The following HINT1 variants were observed in gnomAD, a reference collection of about 807,000 sequenced individuals.
HINT1 encodes the protein histidine triad nucleotide binding protein 1.
A neutral mutation model predicts 11.2 loss-of-function variants in HINT1; 12 were observed. The ratio of observed to expected loss-of-function variants is 1.07; its 90% CI spans 0.69 to 1.74. The LOEUF is 1.74. HINT1 is among the 40% of genes most tolerant of loss of function. HINT1 has a pLI of 0.00. For synonymous variants in HINT1, 42 were observed against 52.6 expected, an observed-to-expected ratio of 0.80 and a Z score of 0.87; for missense variants, 150 against 161.8, an observed-to-expected ratio of 0.93 and a Z score of 0.40.
Position 131,159,905 on chromosome 5 carries a change from G to A in HINT1, c.217-294C>T, listed in dbSNP as rs531733145. On this transcript the variant is annotated intron_variant, in intron 2 of 2. Transcript: ENST00000304043. ...CTTGCTCTGTCACTCAGACTGGAGTGCAGTGGCACGATCTCAGCTCACTGC... is the reference window on the plus strand; with the variant it reads ...CTTGCTCTGTCACTCAGACTGGAGTACAGTGGCACGATCTCAGCTCACTGC... Among the ~76,000 whole-genome samples, 19 of 152,102 alleles carry A rather than the reference G, an allele frequency of 1.2e-4. No homozygotes were observed. The South Asian group carries it at 4.0e-3, about 32-fold the overall frequency.
intron 1 of HINT1, 121 bp downstream of exon 1, chr5:131,164,973 GC>G (rs1345056677): frequency 7.1e-7 from 1 of 1,408,170 alleles, no homozygotes; most frequent in East Asian, 2.5e-5. Flanking sequence ...CTGGACCAGG[GC>G]AGCCAGGTCC....
chr5:131,159,708 C>T lies in HINT1; in HGVS notation c.217-97G>A, dbSNP rs980879065. The stretch of plus-strand genomic sequence containing the variant: ...AGCTGAAATATCAAATCTTAAAACT[C>T]TCATTGAAACACAACCCTTTGAGCA... On this transcript the variant is annotated intron_variant, in intron 2 of 2. Transcript: ENST00000304043. The T allele has an allele frequency of 1.4e-5, 16 of 1,129,684 alleles. No individual in the cohort carries two copies. The Middle Eastern group carries it at 6.6e-4, about 47-fold the overall frequency. 70.0% of individuals were successfully genotyped at this position (1,129,684 alleles called of 1,614,324 possible).
chr5:131,160,750 C>T (rs1561536436), intron 2 of HINT1: 11 of 842,334 alleles, frequency 1.3e-5, no homozygotes, highest in Non-Finnish European at 1.9e-5. Flanking sequence ...AATGGTGTGG[C>T]GATATGCATT....
chr5:131,159,463 TG>T lies in HINT1; in HGVS notation c.364del (p.His122IlefsTer20). ...AAAACGTGCTTAACCAGGAGGCCAA[TG>T]CATTTGCCGACCTCCAAGAACATGG... ...HLHVLGGRQMHWPPG is the reference protein window; with the variant it reads ...HLHVLGGRQMXWPPG On this transcript the variant is annotated frameshift_variant, in exon 3 of 3. Coordinates refer to ENST00000304043, the MANE Select transcript of HINT1 (RefSeq NM_005340.7). LOFTEE classifies it high-confidence loss of function. 6.2e-7 allele frequency: 1 copy of T among 1,612,158 alleles called. No homozygotes were observed. Among genetic ancestry groups the T allele is most frequent in the Non-Finnish European group, 8.5e-7 (1 of 1,179,828 alleles).
rs10079664 is a variant in HINT1 at position 131,162,179 on chromosome 5, C to A, written c.216+393G>T. On this transcript the variant is annotated intron_variant, in intron 2 of 2. Transcript: ENST00000304043. ...CTCTACTAAAAATACAAAAAATTAG[C>A]CAGCCTTGGTGGCGGGCGCCTGTTG... 2.7e-3 allele frequency: 1,393 copies of A among 510,922 alleles called. 9 individuals are homozygous for A. Among genetic ancestry groups the A allele is most frequent in the African/African-American group, 0.019 (1,009 of 51,748 alleles). The allele number at this position is 510,922 out of a possible 1,614,324, so 31.6% of individuals were successfully genotyped here. A position where few individuals can be genotyped will look rare whatever the true frequency, so the allele number is the denominator to read the frequency against.
chr5:131,160,889 A>C (rs1471815947), intron 2 of HINT1: 1 of 454,618 alleles, frequency 2.2e-6, no homozygotes, highest in Non-Finnish European at 4.4e-6. Flanking sequence ...GCCCAACTGT[A>C]GGTTAACGTT....
At chr5:131,162,475 G>C in intron 2 of HINT1, 97 bp downstream of exon 2, 1 of 1,568,374 alleles carries the variant, frequency 6.4e-7, no homozygotes, top group Non-Finnish European at 8.6e-7. Context: ...CCTTAGTAAT[G>C]ACCTTAGGAA....
At chr5:131,161,827 G>A (rs967451451) in intron 2 of HINT1, among the ~76,000 whole-genome samples, 29 of 152,098 alleles carry the variant, frequency 1.9e-4, no homozygotes, top group African/African-American at 5.8e-4. Context: ...GGTTTGACCC[G>A]TGCAGGTCTA....
At chr5:131,162,542 G>A (rs1329669186) in intron 2 of HINT1, 30 bp downstream of exon 2, 1 of 1,606,136 alleles carries the variant, frequency 6.2e-7, no homozygotes, top group Non-Finnish European at 8.5e-7. Context: ...TAAAAAGCAA[G>A]AAAATAAATC....
chr5:131,162,308 G>C (rs772636280), intron 2 of HINT1: 1 of 686,324 alleles, frequency 1.5e-6, no homozygotes, highest in Non-Finnish European at 2.5e-6. Flanking sequence ...GACAGAGCAA[G>C]ACTCTGTCTC....
chr5:131,164,044 A>C (rs546500714), intron 1 of HINT1, among the ~76,000 whole-genome samples: 1 of 152,192 alleles, frequency 6.6e-6, no homozygotes. Flanking sequence ...GAGTAGAGAC[A>C]AAGTATTTTT....
Position 131,162,622 on chromosome 5 carries a change from G to A in HINT1, c.166C>T (p.Pro56Ser). Residue 56 changes from proline (P) to serine (S), a missense_variant, in exon 2 of 3, where the codon CCC (proline) becomes TCC (serine). By Grantham distance (74) the Pro-to-Ser change is moderately conservative. Transcript: ENST00000304043. ...PQAPTHFLVI[P>S]KKHISQISVA... ...GAAATCTGGGATATATGTTTCTTGG[G>A]TATCACCAGAAAATGTGTTGGTGCT... 3 of 1,613,508 alleles carry A rather than the reference G, an allele frequency of 1.9e-6. No individual in the cohort carries two copies. Among genetic ancestry groups the A allele is most frequent in the Non-Finnish European group, 2.5e-6 (3 of 1,179,534 alleles).
In HINT1 at chr5:131,159,354, T is replaced by C. The variant is rs181192093; in HGVS notation, c.*93A>G. 2 of 1,135,248 alleles carry C rather than the reference T, an allele frequency of 1.8e-6. No individual in the cohort carries two copies. Among genetic ancestry groups the C allele is most frequent in the Non-Finnish European group, 2.5e-6 (2 of 787,122 alleles). 70.3% of individuals were successfully genotyped at this position (1,135,248 alleles called of 1,614,324 possible). ...TAAAATTATTTCTTGAATCTCTCCA[T>C]ACACAGGCAAAAATAAGTGTGTTAC... On this transcript the variant is annotated 3_prime_UTR_variant, in exon 3 of 3. Coordinates refer to ENST00000304043, the MANE Select transcript of HINT1 (RefSeq NM_005340.7).
rs1276483309 is a variant in HINT1 at position 131,159,499 on chromosome 5, T to G, written c.329A>C (p.His110Pro). Residue 110 changes from histidine to proline, a missense_variant, in exon 3 of 3, where the codon CAC (histidine) becomes CCC (proline). By Grantham distance (77) the His-to-Pro change is moderately conservative. Coordinates refer to ENST00000304043, the MANE Select transcript of HINT1 (RefSeq NM_005340.7). Reference protein sequence around the residue: ...EGSDGGQSVYHVHLHVLGGRQ... With the variant: ...EGSDGGQSVYPVHLHVLGGRQ... ...ACCTCCAAGAACATGGAGATGAACG[T>G]GATAGACAGACTGTCCACCATCTGA... 1 of 1,613,166 alleles carries G rather than the reference T, an allele frequency of 6.2e-7. No homozygotes were observed. The highest frequency in any genetic ancestry group is 1.1e-5 in the South Asian group (1 of 90,984).
rs566118854 is a variant in HINT1 at position 131,165,040 on chromosome 5, G to A, written c.111+55C>T. On this transcript the variant is annotated intron_variant, in intron 1 of 2. Coordinates refer to ENST00000304043, the MANE Select transcript of HINT1 (RefSeq NM_005340.7). Reference sequence around the variant, plus strand: ...CCTCTCCCTCCGCGAGAAACCCGAGGATCCGCGGACGATACCCACCTCAGC... The same window carrying A: ...CCTCTCCCTCCGCGAGAAACCCGAGAATCCGCGGACGATACCCACCTCAGC... The A allele has an allele frequency of 8.9e-4, 1,435 of 1,609,848 alleles. 5 individuals are homozygous for A. Among genetic ancestry groups the A allele is most frequent in the Non-Finnish European group, 1.2e-3 (1,357 of 1,178,076 alleles).
At chr5:131,163,666 T>C (rs1426318797) in intron 1 of HINT1, among the ~76,000 whole-genome samples, 4 of 152,220 alleles carry the variant, frequency 2.6e-5, no homozygotes, top group Non-Finnish European at 5.9e-5. Flanking sequence ...ATTCTCACTT[T>C]ACTCAACTAT....
Position 131,162,575 on chromosome 5 carries a change from TTCA to T in HINT1, c.210_212del (p.Asp70del), listed in dbSNP as rs1466928807. ...ATCATGTTAGAAATGTACTTACACT[TTCA>T]TCATCATCTTCTGCCACAGAAATCT... is the stretch of plus-strand genomic sequence containing the variant. On this transcript the variant is annotated inframe_deletion, in exon 2 of 3. Coordinates refer to ENST00000304043, the MANE Select transcript of HINT1 (RefSeq NM_005340.7). 2 of 1,609,184 alleles carry T rather than the reference TTCA, an allele frequency of 1.2e-6. No homozygotes were observed. Among genetic ancestry groups the T allele is most frequent in the East Asian group, 2.2e-5 (1 of 44,842 alleles).
At chr5:131,162,334 A>AT in intron 2 of HINT1, 4 of 748,848 alleles carry the variant, frequency 5.3e-6, no homozygotes, top group South Asian at 1.6e-5. Flanking sequence ...AAAAAAAAAA[A>AT]GGTAATAGCA....
Position 131,159,238 on chromosome 5 carries a change from C to T in HINT1, c.*209G>A. On this transcript the variant is annotated 3_prime_UTR_variant, in exon 3 of 3. Coordinates refer to ENST00000304043, the MANE Select transcript of HINT1 (RefSeq NM_005340.7). ...ATTATAAACCCACCTTCACATATTC[C>T]AACAAATATGTTTTTAAAATAACAA... is the stretch of plus-strand genomic sequence containing the variant. 4.5e-6 allele frequency: 2 copies of T among 442,314 alleles called. No individual in the cohort carries two copies. Among genetic ancestry groups the T allele is most frequent in the South Asian group, 5.1e-5 (1 of 19,702 alleles). 27.4% of individuals were successfully genotyped at this position (442,314 alleles called of 1,614,324 possible). A position where few individuals can be genotyped will look rare whatever the true frequency, so the allele number is the denominator to read the frequency against.
Sources: gnomAD v4.1 joint callset for allele counts (sites outside exome capture counted in the v4.1 genomes callset) on GRCh38, gnomAD v4.1.1 for gene constraint, MANE v1.5 for transcripts, NCBI Gene and HGNC (gene_info 2026-07-23, HGNC 2026-07-21) for gene names.